The following TAB3 variants were observed in gnomAD, a reference collection of about 807,000 sequenced individuals.
TAB3 encodes the protein TGF-beta activated kinase 1 (MAP3K7) binding protein 3, also known as TGF-beta-activated kinase 1 and MAP3K7-binding protein 3.
In TAB3, 18 loss-of-function variants were observed where a neutral mutation model predicts 48.1. That is an observed-to-expected ratio of 0.37 (90% CI 0.26 to 0.55). The LOEUF (loss-of-function observed/expected upper bound fraction) is 0.55, where lower values mean the gene tolerates loss of function less well. Among genes scored for constraint, TAB3 ranks in the 20% least tolerant of loss-of-function variants. The pLI is 0.78. For missense variants in TAB3, 414 were observed against 549.8 expected (o/e 0.75, Z 2.47); for synonymous variants, 185 against 190.2 (o/e 0.97, Z 0.22).
In TAB3 at chrX:30,828,899, G is replaced by A. The variant is rs1487078889; in HGVS notation, c.*2528C>T. The A allele has an allele frequency of 8.9e-6, 1 of 111,916 alleles. No homozygotes were observed. Among genetic ancestry groups the A allele is most frequent in the African/African-American group, 3.2e-5 (1 of 30,770 alleles). The allele number at this position is 111,916 out of a possible 1,213,427, so 9.2% of individuals were successfully genotyped here. On this transcript the variant is annotated 3_prime_UTR_variant, in exon 11 of 11. Transcript: ENST00000288422. ...GTTGGGTGAATTCTTGTTCAAACTG[G>A]TCATAGGCAAAAAGCAGTCTACATA... is the stretch of plus-strand genomic sequence containing the variant.
rs1937998232 is a variant in TAB3 at position 30,830,716 on chromosome X, G to A, written c.*711C>T. 8.9e-6 allele frequency: 1 copy of A among 112,247 alleles called. No individual in the cohort carries two copies. Among genetic ancestry groups the A allele is most frequent in the African/African-American group, 3.2e-5 (1 of 30,839 alleles). 9.3% of individuals were successfully genotyped at this position (112,247 alleles called of 1,213,427 possible). ...TAAGTAGGTCTTAGTTACCAGTGTT[G>A]ATAGAGCTCGATGAATCACACTGTA... is the stretch of plus-strand genomic sequence containing the variant. On this transcript the variant is annotated 3_prime_UTR_variant, in exon 11 of 11. Transcript: ENST00000288422.
At chrX:30,833,830 C>CAAAAAAAAAAAAAAAAAAAAAAAA (rs11316848) in intron 10 of TAB3, among the ~76,000 whole-genome samples, 1 of 51,618 alleles carries the variant, frequency 1.9e-5, no homozygotes, top group Non-Finnish European at 3.5e-5. Flanking sequence ...GACTCCGTCT[C>CAAAAAAAAAAAAAAAAAAAAAAAA]AAAAAAAAAA....
intron 4 of TAB3, among the ~76,000 whole-genome samples, chrX:30,860,434 C>G (rs1336102357): frequency 9.0e-6 from 1 of 111,658 alleles, no homozygotes; most frequent in African/African-American, 3.3e-5. Context: ...ACAAATTGAA[C>G]AACATCTTGA....
chrX:30,842,632 C>T (rs1176994862), intron 9 of TAB3, among the ~76,000 whole-genome samples: 1 of 101,750 alleles, frequency 9.8e-6, no homozygotes, highest in Non-Finnish European at 2.0e-5. Flanking sequence ...CAGTGAGCAA[C>T]ATGGTGAGAT....
chrX:30,838,113 T>C (rs983705884), intron 9 of TAB3, among the ~76,000 whole-genome samples: 28 of 111,495 alleles, frequency 2.5e-4, no homozygotes, highest in Admixed American at 2.0e-3. Context: ...AAGACTTTTT[T>C]TTCCTTTTTG....
intron 6 of TAB3, among the ~76,000 whole-genome samples, chrX:30,853,435 TATC>T (rs1350700536): frequency 8.9e-5 from 10 of 112,525 alleles, no homozygotes; most frequent in African/African-American, 3.2e-4. Context: ...TATATGTAAA[TATC>T]ATTATGCCCT....
intron 1 of TAB3, among the ~76,000 whole-genome samples, chrX:30,885,448 A>G (rs1026689099): frequency 8.9e-6 from 1 of 112,063 alleles, no homozygotes; most frequent in African/African-American, 3.2e-5. Context: ...GGAGGTAGAA[A>G]AAGGAAATCT....
intron 5 of TAB3, among the ~76,000 whole-genome samples, chrX:30,856,127 G>C (rs185076665): frequency 9.0e-6 from 1 of 111,419 alleles, no homozygotes; most frequent in African/African-American, 3.3e-5. Context: ...ATTTATCCTT[G>C]AATAACTTCA....
intron 9 of TAB3, among the ~76,000 whole-genome samples, chrX:30,840,189 TTTG>T (rs1036441898): frequency 6.3e-4 from 70 of 110,381 alleles, no homozygotes; most frequent in Admixed American, 4.9e-4. Flanking sequence ...GTTTATTGAT[TTTG>T]TTTATCTTTT....
At chrX:30,866,643 T>G (rs1448086671) in intron 4 of TAB3, among the ~76,000 whole-genome samples, 1 of 109,329 alleles carries the variant, frequency 9.1e-6, no homozygotes, top group Non-Finnish European at 1.9e-5. Flanking sequence ...TATATTATGA[T>G]CCAACGTATA....
chrX:30,853,416 T>C (rs1280795192), intron 6 of TAB3, among the ~76,000 whole-genome samples: 1 of 112,540 alleles, frequency 8.9e-6, no homozygotes, highest in Non-Finnish European at 1.9e-5. Context: ...CCACTTCTTA[T>C]ATATTATTTA....
intron 2 of TAB3, among the ~76,000 whole-genome samples, chrX:30,868,337 CTT>C (rs1413658414): frequency 1.3e-4 from 1 of 7,820 alleles, no homozygotes; most frequent in Non-Finnish European, 1.9e-4. Context: ...TATATATAAG[CTT>C]TTATATATAT....
In TAB3 at chrX:30,831,371, T is replaced by G; in HGVS notation, c.*56A>C. 8.7e-7 allele frequency: 1 copy of G among 1,155,080 alleles called. No homozygotes were observed. The highest frequency in any genetic ancestry group is 1.2e-6 in the Non-Finnish European group (1 of 863,035). On this transcript the variant is annotated 3_prime_UTR_variant, in exon 11 of 11. Coordinates refer to ENST00000288422, the MANE Select transcript of TAB3 (RefSeq NM_152787.5). ...GATGAATAGAGTCCCGAGGTTTCCT[T>G]TTCTTCTGGTAGTGCTCAAAGTTTC...
intron 1 of TAB3, among the ~76,000 whole-genome samples, chrX:30,882,286 A>G (rs761523591): frequency 8.9e-6 from 1 of 112,645 alleles, no homozygotes; most frequent in East Asian, 2.8e-4. Flanking sequence ...CATAACTATG[A>G]TGAGTACTAA....
chrX:30,851,194 G>T (rs763138178), intron 7 of TAB3, among the ~76,000 whole-genome samples: 2 of 111,786 alleles, frequency 1.8e-5, no homozygotes, highest in Non-Finnish European at 3.8e-5. Context: ...GACTATACAC[G>T]ATATTACAAA....
chrX:30,846,667 A>G, intron 7 of TAB3, 23 bp from the exon 8 acceptor site: 1 of 1,050,454 alleles, frequency 9.5e-7, no homozygotes, highest in Non-Finnish European at 1.3e-6. Context: ...GACCCAAAAT[A>G]GCAATTGTGG....
At chrX:30,852,749 C>T (rs1453596803) in intron 7 of TAB3, 29 bp downstream of exon 7, 1 of 1,175,215 alleles carries the variant, frequency 8.5e-7, no homozygotes, top group African/African-American at 1.8e-5. Context: ...CCCGACCCTC[C>T]TATTAACACA....
chrX:30,846,381 TCATCCCCAAA>T, intron 8 of TAB3, 160 bp downstream of exon 8: 1 of 391,370 alleles, frequency 2.6e-6, no homozygotes, highest in Non-Finnish European at 4.3e-6. Flanking sequence ...AACTATTTTT[TCATCCCCAAA>T]TCTGATCCAT....
At chrX:30,853,255 A>G (rs1188350824) in intron 6 of TAB3, among the ~76,000 whole-genome samples, 2 of 112,400 alleles carry the variant, frequency 1.8e-5, no homozygotes, top group Non-Finnish European at 3.8e-5. Flanking sequence ...AGAAAACTAA[A>G]TTCTCCGGTT....
Sources: allele counts gnomAD v4.1 joint callset (sites outside exome capture counted in the v4.1 genomes callset), GRCh38; gene constraint gnomAD v4.1.1; transcripts MANE v1.5; gene names NCBI Gene and HGNC (gene_info 2026-07-23, HGNC 2026-07-21).